LRP1B: variants seen among roughly 807,000 people sequenced by gnomAD.
LRP1B encodes low-density lipoprotein receptor-related protein 1B.
LRP1B carries 217 observed loss-of-function variants against 556.6 expected under a neutral mutation model. The observed-to-expected ratio is 0.39, with a 90% confidence interval of 0.35 to 0.44. The LOEUF (loss-of-function observed/expected upper bound fraction) is 0.44. Among genes scored for constraint, LRP1B ranks in the 20% least tolerant of loss-of-function variants. LRP1B has a pLI of 1.00. For synonymous variants in LRP1B, 2,047 were observed against 1,865.8 expected (o/e 1.10, Z -2.50); for missense variants, 5,053 against 5,620.8 (o/e 0.90, Z 3.23).
intron 87 of LRP1B, among the ~76,000 whole-genome samples, chr2:140,245,385 C>T (rs756500054): frequency 1.3e-5 from 2 of 151,310 alleles, no homozygotes; most frequent in Non-Finnish European, 3.0e-5. Flanking sequence ...GTGGATGGAG[C>T]GTATACAAAA....
At chr2:140,943,674 G>A (rs1461676334) in intron 20 of LRP1B, among the ~76,000 whole-genome samples, 1 of 152,076 alleles carries the variant, frequency 6.6e-6, no homozygotes, top group Non-Finnish European at 1.5e-5. Flanking sequence ...TGACTAGTGT[G>A]TAAACAACAA....
chr2:140,786,679 A>C (rs1197610060), intron 32 of LRP1B, among the ~76,000 whole-genome samples: 1 of 152,124 alleles, frequency 6.6e-6, no homozygotes, highest in Non-Finnish European at 1.5e-5. Flanking sequence ...CAAAGCCCAG[A>C]ATTTGCTTTC....
At chr2:141,768,233 T>A (rs1358043156) in intron 2 of LRP1B, among the ~76,000 whole-genome samples, 1 of 152,154 alleles carries the variant, frequency 6.6e-6, no homozygotes, top group East Asian at 1.9e-4. Context: ...CATACAGATC[T>A]GTTTTGTTGT....
chr2:140,867,650 G>T lies in LRP1B; in HGVS notation c.4519C>A (p.Gln1507Lys). Residue 1507 changes from glutamine (Q) to lysine (K), a missense_variant, in exon 27 of 91, where the codon CAG (glutamine) becomes AAG (lysine). Around this residue, in one of 5 missense-constraint regions of LRP1B, gnomAD observed 3,619 missense variants for 3,931.9 expected, o/e 0.92. Transcript: ENST00000389484. ...KWTGQNVSVIQKTSAQPFDLQ... is the reference protein window; with the variant it reads ...KWTGQNVSVIKKTSAQPFDLQ... Reference sequence around the variant, plus strand: ...TCAAATGGCTGTGCACTGGTTTTCTGAATCACACTGACATTCTGCCCTGTC... The same window carrying T: ...TCAAATGGCTGTGCACTGGTTTTCTTAATCACACTGACATTCTGCCCTGTC... The T allele has an allele frequency of 6.2e-7, 1 of 1,613,488 alleles. No homozygotes were observed. The highest frequency in any genetic ancestry group is 8.5e-7 in the Non-Finnish European group (1 of 1,179,650).
At chr2:140,595,302 C>G (rs1682398771) in intron 43 of LRP1B, among the ~76,000 whole-genome samples, 1 of 151,510 alleles carries the variant, frequency 6.6e-6, no homozygotes, top group Non-Finnish European at 1.5e-5. Context: ...AGATTATCTG[C>G]TCTTTTCAAG....
chr2:140,995,828 T>C (rs1697230230), intron 15 of LRP1B, among the ~76,000 whole-genome samples: 1 of 152,006 alleles, frequency 6.6e-6, no homozygotes, highest in African/African-American at 2.4e-5. Flanking sequence ...ATGTTAGGAA[T>C]TTGGTTAAGT....
At chr2:141,455,695 A>C (rs1422049235) in intron 3 of LRP1B, among the ~76,000 whole-genome samples, 2 of 152,178 alleles carry the variant, frequency 1.3e-5, no homozygotes, top group Non-Finnish European at 2.9e-5. Flanking sequence ...TTGTGGAATA[A>C]ATGAACAAAT....
intron 67 of LRP1B, among the ~76,000 whole-genome samples, chr2:140,383,685 C>G (rs1443289926): frequency 6.6e-6 from 1 of 152,150 alleles, no homozygotes; most frequent in African/African-American, 2.4e-5. Context: ...TAAACGTACT[C>G]TTATACTTGT....
At chr2:141,285,465 T>C (rs1399727515) in intron 3 of LRP1B, among the ~76,000 whole-genome samples, 5 of 144,708 alleles carry the variant, frequency 3.5e-5, no homozygotes, top group Admixed American at 6.8e-5. Flanking sequence ...CTTTTTTTTT[T>C]TTTTTTTTGA....
chr2:141,875,943 A>T (rs1275744686), intron 1 of LRP1B, among the ~76,000 whole-genome samples: 2 of 152,038 alleles, frequency 1.3e-5, no homozygotes, highest in Non-Finnish European at 2.9e-5. Context: ...AAGCTAATTT[A>T]AGAGTTGTCT....
intron 15 of LRP1B, among the ~76,000 whole-genome samples, chr2:140,995,336 A>G (rs138984730): frequency 6.6e-6 from 1 of 152,154 alleles, no homozygotes; most frequent in East Asian, 1.9e-4. Flanking sequence ...CCAAACTGCA[A>G]TTATTACTTC....
intron 7 of LRP1B, among the ~76,000 whole-genome samples, chr2:141,074,628 C>T (rs1236389326): frequency 5.8e-5 from 3 of 52,072 alleles, no homozygotes; most frequent in African/African-American, 1.6e-4. Context: ...ATATATAAAA[C>T]ACATATATTA....
At chr2:140,694,673 A>C (rs1686363496) in intron 41 of LRP1B, among the ~76,000 whole-genome samples, 2 of 152,142 alleles carry the variant, frequency 1.3e-5, no homozygotes, top group South Asian at 4.1e-4. Context: ...GCCATTTGTC[A>C]ACATTTATTA....
At chr2:141,795,857 A>AAAAAATATATATATATAT (rs1491180183) in intron 2 of LRP1B, among the ~76,000 whole-genome samples, 3 of 51,612 alleles carry the variant, frequency 5.8e-5, no homozygotes, top group African/African-American at 2.2e-4. Flanking sequence ...AACCAGGAGC[A>AAAAAATATATATATATAT]ATATATATAT....
At chr2:140,843,081 GTTTGTTTTTTTTTTT>G (rs1248056664) in intron 29 of LRP1B, among the ~76,000 whole-genome samples, 8 of 18,728 alleles carry the variant, frequency 4.3e-4, no homozygotes, top group Non-Finnish European at 7.9e-4. Context: ...TTTTTTTTTT[GTTTGTTTTTTTTTTT>G]TTTGTTTTTT....
intron 7 of LRP1B, among the ~76,000 whole-genome samples, chr2:141,145,416 C>G (rs1701756940): frequency 6.6e-6 from 1 of 151,824 alleles, no homozygotes; most frequent in African/African-American, 2.4e-5. Context: ...ATTGCATATA[C>G]TATGTAATAA....
At chr2:141,632,869 C>CAAAAAAAA (rs55807294) in intron 2 of LRP1B, among the ~76,000 whole-genome samples, 1 of 133,240 alleles carries the variant, frequency 7.5e-6, no homozygotes, top group African/African-American at 2.8e-5. Context: ...CTACAAGAAC[C>CAAAAAAAA]AAAAAAAAAA....
chr2:140,367,173 TTAA>T (rs1682800189), intron 71 of LRP1B, among the ~76,000 whole-genome samples: 1 of 151,744 alleles, frequency 6.6e-6, no homozygotes, highest in African/African-American at 2.4e-5. Flanking sequence ...AAGTTATTAA[TTAA>T]GAGAGGCAGC....
intron 35 of LRP1B, among the ~76,000 whole-genome samples, chr2:140,757,601 G>A (rs1212578786): frequency 6.6e-6 from 1 of 152,176 alleles, no homozygotes; most frequent in African/African-American, 2.4e-5. Flanking sequence ...CAGAAAGCAG[G>A]CTAGATGCAG....
Sources: gnomAD v4.1 joint callset for allele counts (sites outside exome capture counted in the v4.1 genomes callset) on GRCh38, gnomAD v4.1.1 for gene constraint, gnomAD v4.1.1 regional missense constraint, MANE v1.5 for transcripts, NCBI Gene and HGNC (gene_info 2026-07-23, HGNC 2026-07-21) for gene names.